The following GRAMD2A variants were observed in gnomAD, a reference collection of about 807,000 sequenced individuals.
GRAMD2A encodes the protein GRAM domain containing 2A, also known as GRAM domain-containing protein 2A.
In GRAMD2A, 37 loss-of-function variants were observed where a neutral mutation model predicts 51.1. The ratio of observed to expected loss-of-function variants is 0.72; its 90% CI spans 0.56 to 0.95. The LOEUF (loss-of-function observed/expected upper bound fraction) is 0.95. GRAMD2A is among the 40% of genes least tolerant of loss of function. GRAMD2A has a pLI of 0.00. For missense variants in GRAMD2A, 414 were observed against 426.9 expected, an observed-to-expected ratio of 0.97 and a Z score of 0.27; for synonymous variants, 136 against 157.1, an observed-to-expected ratio of 0.87 and a Z score of 1.01.
chr15:72,186,282 C>A (rs983167268), intron 1 of GRAMD2A, among the ~76,000 whole-genome samples: 3 of 151,666 alleles, frequency 2.0e-5, no homozygotes, highest in African/African-American at 7.3e-5. Flanking sequence ...CATCAAATGC[C>A]TTAAGAAATA....
chr15:72,178,867 C>T (rs1173573350), intron 1 of GRAMD2A, among the ~76,000 whole-genome samples: 1 of 151,844 alleles, frequency 6.6e-6, no homozygotes, highest in African/African-American at 2.4e-5. Context: ...AGCCACCCGG[C>T]CCGGCTGTCT....
chr15:72,163,929 C>T, intron 8 of GRAMD2A, 172 bp from the exon 9 acceptor site: 1 of 608,616 alleles, frequency 1.6e-6, no homozygotes, highest in Non-Finnish European at 2.8e-6. Flanking sequence ...CAACCATATG[C>T]CTCTCCTCTC....
chr15:72,167,208 C>T, intron 5 of GRAMD2A, 116 bp from the exon 6 acceptor site: 1 of 764,470 alleles, frequency 1.3e-6, no homozygotes, highest in Non-Finnish European at 2.3e-6. Context: ...AAGCCTGGCC[C>T]CATGTGGGGA....
rs1596683890 is a variant in GRAMD2A, at chr15:72,169,747, C to T, written c.134+100G>A. 3.2e-6 allele frequency: 3 copies of T among 949,640 alleles called. No homozygotes were observed. The East Asian group carries it at 7.2e-5, about 23-fold the overall frequency. The allele number at this position is 949,640 out of a possible 1,614,324, so 58.8% of individuals were successfully genotyped here. On this transcript the variant is annotated intron_variant, in intron 2 of 11. Coordinates refer to ENST00000309731, the MANE Select transcript of GRAMD2A (RefSeq NM_001012642.3). The stretch of plus-strand genomic sequence containing the variant: ...CTGACCTCACAGACCTGCAAAGGGG[C>T]CCCGGCTCTGCCTTGAGGTCCTCTT...
At chr15:72,195,852 G>A (rs553425718) in intron 1 of GRAMD2A, among the ~76,000 whole-genome samples, 10 of 152,004 alleles carry the variant, frequency 6.6e-5, no homozygotes, top group African/African-American at 1.4e-4. Context: ...CCCAGGAGGC[G>A]GAGACTGCAG....
At chr15:72,165,216 G>T (rs1421934180) in intron 8 of GRAMD2A, 138 bp downstream of exon 8, 8 of 732,954 alleles carry the variant, frequency 1.1e-5, no homozygotes, top group African/African-American at 8.8e-5. Context: ...TTTAAGAGAT[G>T]CCCTGGCATA....
chr15:72,169,371 A>G, intron 2 of GRAMD2A: 1 of 462,868 alleles, frequency 2.2e-6, no homozygotes, highest in South Asian at 1.8e-5. Flanking sequence ...CAGTGCTGGA[A>G]TAGGGACAGT....
In GRAMD2A at chr15:72,188,998, G is replaced by A. The variant is rs367592990; in HGVS notation, c.41+8733C>T. Among the ~76,000 whole-genome samples the A allele has an allele frequency of 2.7e-4, 41 of 152,056 alleles. 1 individual carries two copies. In the South Asian group the frequency reaches 7.9e-3, roughly 29 times the overall value. ...ATGCCCAGCCTTTAAGAGCTTTATTGGTTTTGATCTTAAAAGTATTATACA... is the reference window on the plus strand; with the variant it reads ...ATGCCCAGCCTTTAAGAGCTTTATTAGTTTTGATCTTAAAAGTATTATACA... On this transcript the variant is annotated intron_variant, in intron 1 of 11. Coordinates refer to ENST00000309731, the MANE Select transcript of GRAMD2A (RefSeq NM_001012642.3).
chr15:72,173,062 C>T (rs189919945), intron 1 of GRAMD2A, among the ~76,000 whole-genome samples: 4 of 152,168 alleles, frequency 2.6e-5, no homozygotes, highest in East Asian at 1.9e-4. Flanking sequence ...AGGGATAGAA[C>T]GGGATGACAA....
chr15:72,189,467 G>T (rs147772386), intron 1 of GRAMD2A, among the ~76,000 whole-genome samples: 14 of 152,236 alleles, frequency 9.2e-5, no homozygotes, highest in African/African-American at 3.1e-4. Context: ...TGTTACCATT[G>T]GGGGAAACTG....
At chr15:72,164,066 G>GCT (rs1214341877) in intron 8 of GRAMD2A, among the ~76,000 whole-genome samples, 1 of 152,204 alleles carries the variant, frequency 6.6e-6, no homozygotes, top group African/African-American at 2.4e-5. Flanking sequence ...GGCCAAGAAA[G>GCT]CTCGGCACAA....
intron 1 of GRAMD2A, among the ~76,000 whole-genome samples, chr15:72,184,491 G>C (rs774500940): frequency 6.6e-6 from 1 of 152,224 alleles, no homozygotes; most frequent in Non-Finnish European, 1.5e-5. Flanking sequence ...AGGAGCGCGC[G>C]CCCCTCTGAG....
intron 1 of GRAMD2A, among the ~76,000 whole-genome samples, chr15:72,177,508 G>T (rs1826750905): frequency 6.6e-6 from 1 of 152,178 alleles, no homozygotes; most frequent in South Asian, 2.1e-4. Flanking sequence ...ACATACTCGT[G>T]TATGTGTCTG....
chr15:72,169,485 C>T (rs1452280224), intron 2 of GRAMD2A: 2 of 530,916 alleles, frequency 3.8e-6, no homozygotes, highest in Non-Finnish European at 7.2e-6. Context: ...CTTCCTGTGG[C>T]CTGAGCTCTG....
chr15:72,165,005 G>A (rs2081526369), intron 8 of GRAMD2A, among the ~76,000 whole-genome samples: 2 of 152,230 alleles, frequency 1.3e-5, no homozygotes, highest in African/African-American at 4.8e-5. Flanking sequence ...TGAGTGTGAT[G>A]GCAAGTGCCT....
intron 1 of GRAMD2A, among the ~76,000 whole-genome samples, chr15:72,182,649 C>G (rs567805864): frequency 7.8e-4 from 119 of 152,040 alleles, no homozygotes; most frequent in African/African-American, 2.8e-3. Flanking sequence ...TATAGAGAAC[C>G]CTTATAATCT....
Position 72,194,583 on chromosome 15 carries a change from G to A in GRAMD2A, c.41+3148C>T, listed in dbSNP as rs1349177876. 3.3e-5 allele frequency among the ~76,000 whole-genome samples: 5 copies of A among 152,286 alleles called. No homozygotes were observed. The South Asian group carries it at 8.3e-4, about 25-fold the overall frequency. ...GGTGGAGATAGTAGGCACCAGTGGAGTTTTTATCCAGAACTTAAAACTTAG... is the reference window on the plus strand; with the variant it reads ...GGTGGAGATAGTAGGCACCAGTGGAATTTTTATCCAGAACTTAAAACTTAG... On this transcript the variant is annotated intron_variant, in intron 1 of 11. Coordinates refer to ENST00000309731, the MANE Select transcript of GRAMD2A (RefSeq NM_001012642.3).
Position 72,160,553 on chromosome 15 carries a change from T to C in GRAMD2A, c.*1456A>G, listed in dbSNP as rs1207899107. 1 of 152,146 alleles carries C rather than the reference T, an allele frequency of 6.6e-6. No homozygotes were observed. The highest frequency in any genetic ancestry group is 2.4e-5 in the African/African-American group (1 of 41,426). The allele number at this position is 152,146 out of a possible 1,614,324, so 9.4% of individuals were successfully genotyped here. A position where few individuals can be genotyped will look rare whatever the true frequency, so the allele number is the denominator to read the frequency against. ...AGTCGTCTGCTTCACAATAAATAAT[T>C]TCCACCTGGATTTCATTCCCTGATT... On this transcript the variant is annotated 3_prime_UTR_variant, in exon 12 of 12. Transcript: ENST00000309731.
Position 72,170,374 on chromosome 15 carries a change from A to G in GRAMD2A, c.42-435T>C, listed in dbSNP as rs1481185009. The G allele has an allele frequency of 6.6e-6, 3 of 456,792 alleles. No homozygotes were observed. The highest frequency in any genetic ancestry group is 6.0e-5 in the African/African-American group (3 of 50,226). The allele number at this position is 456,792 out of a possible 1,614,324, so 28.3% of individuals were successfully genotyped here. ...GACTGTAAACCATCAGGTTCCGGGA[A>G]AGTAGGCTGAGCACAGGAGGCCTTA... On this transcript the variant is annotated intron_variant, in intron 1 of 11. Transcript: ENST00000309731. The surrounding 1 kb of genome is among the most constrained non-coding windows in gnomAD (Gnocchi z 4.5).
Sources: gnomAD v4.1 joint callset for allele counts (sites outside exome capture counted in the v4.1 genomes callset) on GRCh38, gnomAD v4.1.1 for gene constraint, Gnocchi (gnomAD v3.1) non-coding constraint, MANE v1.5 for transcripts, NCBI Gene and HGNC (gene_info 2026-07-23, HGNC 2026-07-21) for gene names.